Variants in SYCP2L observed in about 807,000 individuals in gnomAD.
The protein encoded by SYCP2L is synaptonemal complex protein 2-like.
A neutral mutation model predicts 125.8 loss-of-function variants in SYCP2L; 98 were observed. That is an observed-to-expected ratio of 0.78 (90% CI 0.66 to 0.92). The LOEUF is 0.92. Among genes scored for constraint, SYCP2L ranks in the 40% least tolerant of loss-of-function variants. The pLI is 0.00. For missense variants in SYCP2L, 842 were observed against 936.4 expected, an observed-to-expected ratio of 0.90 and a Z score of 1.32; for synonymous variants, 317 against 325.4, an observed-to-expected ratio of 0.97 and a Z score of 0.28.
chr6:10,901,163 A>G (rs926339420), intron 6 of SYCP2L, among the ~76,000 whole-genome samples: 1 of 152,152 alleles, frequency 6.6e-6, no homozygotes, highest in Admixed American at 6.6e-5. Context: ...CTTATGTCCT[A>G]CTTTTATTTT....
At position 10,954,692 on chromosome 6, in the gene SYCP2L, C is replaced by T. The variant is rs773499822; in HGVS notation, c.1955-424C>T. Among the ~76,000 whole-genome samples the T allele has an allele frequency of 6.6e-6, 1 of 152,188 alleles. No individual in the cohort carries two copies. Among genetic ancestry groups the T allele is most frequent in the African/African-American group, 2.4e-5 (1 of 41,450 alleles). On this transcript the variant is annotated intron_variant, in intron 23 of 29. Coordinates refer to ENST00000283141, the MANE Select transcript of SYCP2L (RefSeq NM_001040274.3). This position sits in a 1 kb window ranked among gnomAD's most constrained non-coding sequence, Gnocchi z 4.8. The stretch of plus-strand genomic sequence containing the variant: ...TATGACGTAGCCTTCAGCATAGCGC[C>T]GATGTGCCCGTGTCACCAGCAGATG...
chr6:10,892,036 C>T lies in SYCP2L; in HGVS notation c.78+455C>T, dbSNP rs139608850. On this transcript the variant is annotated intron_variant, in intron 2 of 29. Transcript: ENST00000283141. ...GAATGTTGAGGAGGCACCTGGTCTA[C>T]GTAAGATAAGGTGGTCCTGGAAGAT... is the stretch of plus-strand genomic sequence containing the variant. Among the ~76,000 whole-genome samples the T allele has an allele frequency of 1.8e-3, 267 of 152,242 alleles. 1 individual carries two copies. Among genetic ancestry groups the T allele is most frequent in the African/African-American group, 6.1e-3 (254 of 41,546 alleles).
intron 14 of SYCP2L, among the ~76,000 whole-genome samples, chr6:10,923,146 C>G (rs929876654): frequency 1.3e-5 from 2 of 151,760 alleles, no homozygotes; most frequent in African/African-American, 4.8e-5. Context: ...CTTTTTTCCC[C>G]TTGTTTCCCG....
intron 4 of SYCP2L, among the ~76,000 whole-genome samples, chr6:10,895,632 G>A (rs1298273430): frequency 1.3e-5 from 2 of 151,638 alleles, no homozygotes; most frequent in African/African-American, 2.4e-5. Context: ...AGAACAAAAG[G>A]GGGGGGTACT....
At chr6:10,926,497 G>GA in intron 16 of SYCP2L, 65 bp downstream of exon 16, 1 of 1,308,582 alleles carries the variant, frequency 7.6e-7, no homozygotes, top group Non-Finnish European at 1.1e-6. Context: ...ACCTTAGTTG[G>GA]AAGAGGTCAC....
intron 29 of SYCP2L, among the ~76,000 whole-genome samples, chr6:10,966,630 G>T (rs1309536441): frequency 6.6e-6 from 1 of 152,098 alleles, no homozygotes; most frequent in African/African-American, 2.4e-5. Flanking sequence ...GGAAAAAGTA[G>T]ATTGAACATG....
At chr6:10,961,612 G>A in intron 28 of SYCP2L, 54 bp downstream of exon 28, 1 of 1,562,726 alleles carries the variant, frequency 6.4e-7, no homozygotes, top group Non-Finnish European at 8.8e-7. Flanking sequence ...ATGAGGTAAT[G>A]CTTTAGCTAG....
chr6:10,903,281 G>A (rs1345878691), intron 8 of SYCP2L, among the ~76,000 whole-genome samples: 2 of 152,036 alleles, frequency 1.3e-5, no homozygotes, highest in Non-Finnish European at 2.9e-5. Flanking sequence ...AGGCGTGGTG[G>A]CTCACGCCTG....
chr6:10,960,972 G>A (rs1186904498), intron 26 of SYCP2L, among the ~76,000 whole-genome samples: 1 of 152,062 alleles, frequency 6.6e-6, no homozygotes, highest in Non-Finnish European at 1.5e-5. Context: ...CAGCTAGTAT[G>A]GAGGCTGAGG....
chr6:10,940,663 G>T (rs1241295556), intron 21 of SYCP2L, among the ~76,000 whole-genome samples: 1 of 152,104 alleles, frequency 6.6e-6, no homozygotes, highest in Non-Finnish European at 1.5e-5. Flanking sequence ...AACAGTGGTT[G>T]CCAGGTGCTA....
intron 1 of SYCP2L, among the ~76,000 whole-genome samples, chr6:10,888,961 G>A (rs28698771): frequency 0.11 from 16,730 of 151,806 alleles, 1,499 homozygotes; most frequent in African/African-American, 0.25. Context: ...TCCTGGGTTC[G>A]AGTGATTCTC....
chr6:10,893,290 A>C (rs1035499540), intron 2 of SYCP2L, among the ~76,000 whole-genome samples: 6 of 152,192 alleles, frequency 3.9e-5, no homozygotes, highest in African/African-American at 1.4e-4. Context: ...GCGCCACTGC[A>C]CCCGGCCCTT....
chr6:10,943,284 AT>A (rs929414379), intron 23 of SYCP2L, among the ~76,000 whole-genome samples: 1 of 152,112 alleles, frequency 6.6e-6, no homozygotes, highest in African/African-American at 2.4e-5. Flanking sequence ...TCTTGACTGC[AT>A]TTTTTTCTCT....
chr6:10,948,360 T>G (rs1017322167), intron 23 of SYCP2L, among the ~76,000 whole-genome samples: 1 of 152,130 alleles, frequency 6.6e-6, no homozygotes, highest in South Asian at 2.1e-4. Context: ...ACCCCTTGAT[T>G]CCTGGTAACC....
intron 17 of SYCP2L, among the ~76,000 whole-genome samples, 184 bp from the exon 18 acceptor site, chr6:10,928,208 ATTGTGATACCC>A (rs1780931420): frequency 6.6e-6 from 1 of 151,790 alleles, no homozygotes; most frequent in Admixed American, 6.6e-5. Context: ...TCACAAGGGT[ATTGTGATACCC>A]TTGTGATACA....
chr6:10,918,777 G>A (rs1025496723), intron 14 of SYCP2L, among the ~76,000 whole-genome samples: 15 of 151,998 alleles, frequency 9.9e-5, no homozygotes, highest in African/African-American at 2.2e-4. Flanking sequence ...CTCGTGATCC[G>A]CCCACCTTGG....
In SYCP2L at chr6:10,958,767, T is replaced by C; in HGVS notation, c.2164-17T>C. 1 of 1,577,680 alleles carries C rather than the reference T, an allele frequency of 6.3e-7. No homozygotes were observed. The highest frequency in any genetic ancestry group is 8.5e-7 in the Non-Finnish European group (1 of 1,173,040). On this transcript the variant is annotated splice_polypyrimidine_tract_variant and intron_variant, in intron 25 of 29. Transcript: ENST00000283141. ...TATATTAAATGTGATCATCTTGTTA[T>C]TGTTGTTATGATTTAGCTTAGGTAC...
At chr6:10,973,862 T>A (rs1781816235) in intron 29 of SYCP2L, 90 bp from the exon 30 acceptor site, 3 of 152,260 alleles carry the variant, frequency 2.0e-5, no homozygotes, top group Admixed American at 2.0e-4. Context: ...AAAGGAATGA[T>A]GCTCCTATTG....
chr6:10,924,472 T>C lies in SYCP2L; in HGVS notation c.1073-24T>C, dbSNP rs910333026. 2.6e-6 allele frequency: 4 copies of C among 1,536,370 alleles called. No homozygotes were observed. In the African/African-American group the frequency reaches 4.2e-5, roughly 16 times the overall value. ...AAACATTGAAGTATGTTGCTATGCA[T>C]TGATATTCCATATTTTCTCTTAGAA... On this transcript the variant is annotated intron_variant, in intron 14 of 29. Transcript: ENST00000283141.
Sources: gnomAD v4.1 joint callset for allele counts (sites outside exome capture counted in the v4.1 genomes callset) on GRCh38, gnomAD v4.1.1 for gene constraint, Gnocchi (gnomAD v3.1) non-coding constraint, MANE v1.5 for transcripts, NCBI Gene and HGNC (gene_info 2026-07-23, HGNC 2026-07-21) for gene names.